The following CSMD1 variants were observed in gnomAD, a reference collection of about 807,000 sequenced individuals.
CSMD1 encodes the protein CUB and sushi domain-containing protein 1.
A neutral mutation model predicts 417.5 loss-of-function variants in CSMD1; 213 were observed. The observed-to-expected ratio is 0.51, with a 90% CI of 0.46 to 0.57. The LOEUF (loss-of-function observed/expected upper bound fraction) is 0.57. Among genes scored for constraint, CSMD1 ranks in the 20% least tolerant of loss-of-function variants. The probability of loss-of-function intolerance (pLI) is 0.00; values close to 1 mark genes in which losing one functional copy is unlikely to be tolerated. For synonymous variants in CSMD1, 2,862 were observed against 1,736.8 expected, an observed-to-expected ratio of 1.65 and a Z score of -16.11; for missense variants, 6,923 against 4,529.7, an observed-to-expected ratio of 1.53 and a Z score of -15.17.
At chr8:3,917,733 C>T (rs982273321) in intron 5 of CSMD1, among the ~76,000 whole-genome samples, 1 of 152,032 alleles carries the variant, frequency 6.6e-6, no homozygotes, top group Non-Finnish European at 1.5e-5. Context: ...AAACCGTCAC[C>T]ACTCTCAAGG....
chr8:4,823,798 G>T (rs1799654427), intron 1 of CSMD1, among the ~76,000 whole-genome samples: 1 of 151,742 alleles, frequency 6.6e-6, no homozygotes, highest in African/African-American at 2.4e-5. Context: ...CTCATGGAGT[G>T]GTGAGTAGGG....
chr8:3,909,984 T>C (rs1487803616), intron 5 of CSMD1, among the ~76,000 whole-genome samples: 4 of 152,000 alleles, frequency 2.6e-5, no homozygotes, highest in Non-Finnish European at 5.9e-5. Context: ...TGGGAGTAAC[T>C]AGAATGTTCC....
At chr8:4,556,541 G>A (rs9314532) in intron 2 of CSMD1, among the ~76,000 whole-genome samples, 25,670 of 151,940 alleles carry the variant, frequency 0.17, 2,559 homozygotes, top group Admixed American at 0.28. Flanking sequence ...GTTCCTTCTC[G>A]GTACAACAGA....
chr8:3,885,928 T>C (rs1210971362), intron 5 of CSMD1, among the ~76,000 whole-genome samples: 2 of 152,100 alleles, frequency 1.3e-5, no homozygotes, highest in African/African-American at 2.4e-5. Flanking sequence ...TAAATATAAA[T>C]TGTTAAAAGT....
chr8:4,216,690 T>TA (rs1800693069), intron 3 of CSMD1, among the ~76,000 whole-genome samples: 1 of 152,108 alleles, frequency 6.6e-6, no homozygotes, highest in African/African-American at 2.4e-5. Flanking sequence ...ATGTTTCATG[T>TA]AAGCACCAGT....
chr8:4,641,805 A>G (rs1031381719), intron 1 of CSMD1, among the ~76,000 whole-genome samples: 3 of 152,136 alleles, frequency 2.0e-5, no homozygotes, highest in Admixed American at 6.6e-5. Context: ...ATATGTAGGG[A>G]CTCTAAATTC....
chr8:3,138,426 C>G lies in CSMD1; in HGVS notation c.6241+4039G>C, dbSNP rs904106123. Among the ~76,000 whole-genome samples, 29 of 152,148 alleles carry G rather than the reference C, an allele frequency of 1.9e-4. 1 individual carries two copies. The highest frequency in any genetic ancestry group is 1.4e-3 in the Admixed American group (21 of 15,280). On this transcript the variant is annotated intron_variant, in intron 41 of 69. Transcript: ENST00000635120. ...TTCACTCCAATTTCATCACTGAAAG[C>G]AAGTCACACCACCACACTTCATTTT...
intron 3 of CSMD1, among the ~76,000 whole-genome samples, chr8:4,179,971 C>G (rs1285992695): frequency 6.6e-6 from 1 of 152,084 alleles, no homozygotes; most frequent in African/African-American, 2.4e-5. Context: ...CACTTTTACA[C>G]TGTTAGTGGG....
intron 5 of CSMD1, among the ~76,000 whole-genome samples, chr8:3,975,086 G>C (rs1028052058): frequency 2.6e-5 from 4 of 152,008 alleles, no homozygotes; most frequent in African/African-American, 7.2e-5. Context: ...ATTTCTTAAC[G>C]TTAAAAACTA....
At chr8:4,319,968 G>A (rs1799174732) in intron 3 of CSMD1, among the ~76,000 whole-genome samples, 1 of 152,082 alleles carries the variant, frequency 6.6e-6, no homozygotes, top group South Asian at 2.1e-4. Flanking sequence ...ATTTTTACAG[G>A]CAGAGTGGAA....
chr8:4,436,715 G>T (rs374489744), intron 2 of CSMD1, among the ~76,000 whole-genome samples: 19 of 151,926 alleles, frequency 1.3e-4, no homozygotes, highest in African/African-American at 4.6e-4. Flanking sequence ...TACTCCCTAT[G>T]TCCATGAGTT....
intron 1 of CSMD1, among the ~76,000 whole-genome samples, chr8:4,650,950 AG>A (rs1803856425): frequency 1.3e-5 from 2 of 152,244 alleles, no homozygotes; most frequent in African/African-American, 4.8e-5. Flanking sequence ...CAAATGAACC[AG>A]AAACTTGTAC....
intron 2 of CSMD1, among the ~76,000 whole-genome samples, chr8:4,570,628 G>A (rs1252764653): frequency 6.6e-6 from 1 of 152,178 alleles, no homozygotes; most frequent in Non-Finnish European, 1.5e-5. Flanking sequence ...TCTCTGCCAG[G>A]TTTTGGTATT....
intron 1 of CSMD1, among the ~76,000 whole-genome samples, chr8:4,884,852 C>T (rs1803637064): frequency 6.6e-6 from 1 of 151,982 alleles, no homozygotes; most frequent in Admixed American, 6.5e-5. Flanking sequence ...TTGGGGTTCT[C>T]TTGAATTTCA....
chr8:3,581,312 T>C (rs934301966), intron 9 of CSMD1, among the ~76,000 whole-genome samples: 7 of 152,254 alleles, frequency 4.6e-5, no homozygotes, highest in African/African-American at 1.4e-4. Flanking sequence ...ATCATAATGG[T>C]TGTTTTCATA....
At chr8:3,798,362 A>C (rs78748908) in intron 5 of CSMD1, among the ~76,000 whole-genome samples, 1 of 152,014 alleles carries the variant, frequency 6.6e-6, no homozygotes, top group East Asian at 1.9e-4. Context: ...ACTCTCTTAC[A>C]TTAGCCTCTA....
chr8:3,308,475 C>G lies in CSMD1; in HGVS notation c.3660G>C (p.Pro1220=). The change falls in exon 24 of 70, where the codon CCG becomes CCC. Residue 1220 remains proline (P), a synonymous_variant. Transcript: ENST00000635120. ...TCCTATAGCCGTAGTTAGGGATGCC[C>G]GGATCCTCACATTTTACCAGATCAA... ...TSFDLVKCED[P]GIPNYGYRIR... is the part of the protein sequence containing the mutation. 6.2e-7 allele frequency: 1 copy of G among 1,612,950 alleles called. No homozygotes were observed. The highest frequency in any genetic ancestry group is 8.5e-7 in the Non-Finnish European group (1 of 1,179,326).
intron 49 of CSMD1, among the ~76,000 whole-genome samples, chr8:3,063,716 G>C (rs1812740558): frequency 6.6e-6 from 1 of 152,200 alleles, no homozygotes; most frequent in Non-Finnish European, 1.5e-5. Context: ...ACTATGCGAA[G>C]TGAAGCCATA....
chr8:3,966,619 T>G (rs1013690732), intron 5 of CSMD1, among the ~76,000 whole-genome samples: 22 of 152,122 alleles, frequency 1.4e-4, no homozygotes, highest in African/African-American at 5.3e-4. Flanking sequence ...TATTCATTAT[T>G]TTTTCAATTA....
Sources: gnomAD v4.1 joint callset for allele counts (sites outside exome capture counted in the v4.1 genomes callset) on GRCh38, gnomAD v4.1.1 for gene constraint, MANE v1.5 for transcripts, NCBI Gene and HGNC (gene_info 2026-07-23, HGNC 2026-07-21) for gene names.